The following PLAAT3 variants were observed in gnomAD, a reference collection of about 807,000 sequenced individuals.
PLAAT3 encodes Ca-independent phospholipase A1/2.
A neutral mutation model predicts 16.7 loss-of-function variants in PLAAT3; 21 were observed. The observed-to-expected ratio is 1.26, with a 90% confidence interval of 0.89 to 1.81. The LOEUF is 1.81. PLAAT3 is among the 40% of genes most tolerant of loss of function. PLAAT3 has a pLI of 0.00. For synonymous variants in PLAAT3, 76 were observed against 81.7 expected (o/e 0.93, Z 0.38); for missense variants, 219 against 213.7 (o/e 1.02, Z -0.16).
At position 63,598,899 on chromosome 11, in the gene PLAAT3, C is replaced by T. The variant is rs559365483; in HGVS notation, c.16-736G>A. Among the ~76,000 whole-genome samples the T allele has an allele frequency of 2.0e-5, 3 of 152,236 alleles. No individual in the cohort carries two copies. The East Asian group carries it at 5.8e-4, about 29-fold the overall frequency. The stretch of plus-strand genomic sequence containing the variant: ...GGGTGGATGCATGAGTGTGAGACTA[C>T]GTGTGAGAGTGAGTGTGCGTATGTG... On this transcript the variant is annotated intron_variant, in intron 2 of 4. Transcript: ENST00000415826.
intron 3 of PLAAT3, among the ~76,000 whole-genome samples, chr11:63,591,236 GC>G (rs1938144525): frequency 6.6e-6 from 1 of 152,110 alleles, no homozygotes; most frequent in Non-Finnish European, 1.5e-5. Context: ...ACAAAAACTA[GC>G]CGTGTATGGT....
intron 2 of PLAAT3, among the ~76,000 whole-genome samples, chr11:63,607,494 TA>T (rs1020716087): frequency 5.9e-5 from 9 of 151,848 alleles, no homozygotes; most frequent in African/African-American, 1.7e-4. Context: ...ACCCCATCTC[TA>T]AAATTTAAAA....
chr11:63,587,746 C>T (rs2134403234), intron 4 of PLAAT3, among the ~76,000 whole-genome samples: 1 of 152,050 alleles, frequency 6.6e-6, no homozygotes, highest in East Asian at 1.9e-4. Context: ...TGTACCATTT[C>T]TCAGTAAACT....
chr11:63,597,262 C>T lies in PLAAT3; in HGVS notation c.118+799G>A, dbSNP rs144167785. Among the ~76,000 whole-genome samples, 78 of 151,830 alleles carry T rather than the reference C, an allele frequency of 5.1e-4. No individual in the cohort carries two copies. The East Asian group carries it at 8.4e-3, about 16-fold the overall frequency. On this transcript the variant is annotated intron_variant, in intron 3 of 4. Coordinates refer to ENST00000415826, the MANE Select transcript of PLAAT3 (RefSeq NM_001128203.2). ...CTGAAGGGCCGGGCGCGGTGGCTCA[C>T]GCCTGCAATCCCAGCATTTTGGGAG... is the stretch of plus-strand genomic sequence containing the variant.
intron 4 of PLAAT3, among the ~76,000 whole-genome samples, chr11:63,584,673 A>G (rs1202246477): frequency 6.6e-6 from 1 of 151,838 alleles, no homozygotes; most frequent in Non-Finnish European, 1.5e-5. Context: ...ACGCCCAGCT[A>G]ATTTTGTTTT....
In PLAAT3 at chr11:63,589,893, C is replaced by T. The variant is rs1359457963; in HGVS notation, c.387+207G>A. 2.0e-5 allele frequency among the ~76,000 whole-genome samples: 3 copies of T among 151,262 alleles called. No homozygotes were observed. In the East Asian group the frequency reaches 5.8e-4, roughly 29 times the overall value. ...TGACTCCTTTCCTTGGCCACCCACCCCCGCCCCCGACTACACTGATCTGCA... is the reference window on the plus strand; with the variant it reads ...TGACTCCTTTCCTTGGCCACCCACCTCCGCCCCCGACTACACTGATCTGCA... On this transcript the variant is annotated intron_variant, in intron 4 of 4. Coordinates refer to ENST00000415826, the MANE Select transcript of PLAAT3 (RefSeq NM_001128203.2).
At chr11:63,607,968 C>T (rs1424052737) in intron 2 of PLAAT3, among the ~76,000 whole-genome samples, 1 of 151,936 alleles carries the variant, frequency 6.6e-6, no homozygotes, top group African/African-American at 2.4e-5. Context: ...AGGCAGATCA[C>T]GAGGTCAGGA....
At chr11:63,615,132 G>GTGTGTA (rs1322981424), upstream of PLAAT3, among the ~76,000 whole-genome samples, 13 of 9,076 alleles carry the variant, frequency 1.4e-3, no homozygotes, top group African/African-American at 1.7e-3. Flanking sequence ...GTGTATATAT[G>GTGTGTA]TATATGTGTA....
chr11:63,576,594 T>A (rs1004674184), intron 4 of PLAAT3, among the ~76,000 whole-genome samples: 1 of 152,176 alleles, frequency 6.6e-6, no homozygotes, highest in African/African-American at 2.4e-5. Context: ...TTGGGCTCCG[T>A]CCTTGGCAAC....
At chr11:63,589,977 T>A in intron 4 of PLAAT3, 123 bp downstream of exon 4, 31 of 714,182 alleles carry the variant, frequency 4.3e-5, no homozygotes, top group Non-Finnish European at 6.0e-5. Context: ...TGTGACATCC[T>A]CAAGGGCAGT....
At chr11:63,587,223 A>G (rs1028795625) in intron 4 of PLAAT3, among the ~76,000 whole-genome samples, 2 of 152,262 alleles carry the variant, frequency 1.3e-5, no homozygotes, top group African/African-American at 4.8e-5. Context: ...AAAGAAAGTG[A>G]GTTTCCAAGT....
Position 63,582,795 on chromosome 11 carries a change from C to T in PLAAT3, c.387+7305G>A, listed in dbSNP as rs1937858346. 2.6e-5 allele frequency among the ~76,000 whole-genome samples: 4 copies of T among 152,268 alleles called. No individual in the cohort carries two copies. The South Asian group carries it at 8.3e-4, about 32-fold the overall frequency. On this transcript the variant is annotated intron_variant, in intron 4 of 4. Coordinates refer to ENST00000415826, the MANE Select transcript of PLAAT3 (RefSeq NM_001128203.2). Reference sequence around the variant, plus strand: ...CATCAAGATACGTATATATTTTTAACCACTGAAGATCCCCAAACTCTTCTC... The same window carrying T: ...CATCAAGATACGTATATATTTTTAATCACTGAAGATCCCCAAACTCTTCTC...
chr11:63,590,351 C>A lies in PLAAT3; in HGVS notation c.136G>T (p.Gly46Cys), dbSNP rs757774105. The A allele has an allele frequency of 6.2e-7, 1 of 1,614,090 alleles. No homozygotes were observed. Among genetic ancestry groups the A allele is most frequent in the Admixed American group, 1.7e-5 (1 of 60,022 alleles). The change falls in exon 4 of 5, where the codon GGT becomes TGT. Residue 46 changes from glycine (G) to cysteine (C), a missense_variant. Transcript: ENST00000415826. ...LAPPSEVAGA[G>C]AASVMSALTD... ...AGGGCGGACATGACACTGGCTGCACCAGCTCCTGCGACCTCACCTGCAGAT... is the reference window on the plus strand; with the variant it reads ...AGGGCGGACATGACACTGGCTGCACAAGCTCCTGCGACCTCACCTGCAGAT...
chr11:63,596,097 C>T (rs1938279596), intron 3 of PLAAT3, among the ~76,000 whole-genome samples: 1 of 151,824 alleles, frequency 6.6e-6, no homozygotes, highest in African/African-American at 2.4e-5. Context: ...AAAAATTAGC[C>T]AGGGGTGGTG....
intron 2 of PLAAT3, among the ~76,000 whole-genome samples, chr11:63,612,761 T>G (rs2134437017): frequency 6.6e-6 from 1 of 152,344 alleles, no homozygotes; most frequent in Non-Finnish European, 1.5e-5. Context: ...TTTTCCTGCT[T>G]TTGCACTCAC....
Position 63,605,646 on chromosome 11 carries a change from G to C in PLAAT3, c.16-7483C>G, listed in dbSNP as rs560875083. Among the ~76,000 whole-genome samples, 16 of 151,750 alleles carry C rather than the reference G, an allele frequency of 1.1e-4. No individual in the cohort carries two copies. The East Asian group carries it at 2.0e-3, about 19-fold the overall frequency. On this transcript the variant is annotated intron_variant, in intron 2 of 4. Transcript: ENST00000415826. ...CGGCTCCCTGCAAGCTCCGCCTCCCGGGTTCACGCCATTCTCCTGCCTCAG... is the reference window on the plus strand; with the variant it reads ...CGGCTCCCTGCAAGCTCCGCCTCCCCGGTTCACGCCATTCTCCTGCCTCAG...
At chr11:63,608,899 A>C (rs1938628613) in intron 2 of PLAAT3, among the ~76,000 whole-genome samples, 1 of 152,194 alleles carries the variant, frequency 6.6e-6, no homozygotes, top group African/African-American at 2.4e-5. Flanking sequence ...CAGTTTCCTC[A>C]GCTGCAAAAT....
At chr11:63,589,375 T>C (rs1330114381) in intron 4 of PLAAT3, among the ~76,000 whole-genome samples, 2 of 133,768 alleles carry the variant, frequency 1.5e-5, no homozygotes, top group Admixed American at 8.5e-5. Flanking sequence ...TCAACAGCCA[T>C]GTAAGAACCT....
rs556016575 is a variant in PLAAT3 at position 63,582,385 on chromosome 11, A to G, written c.388-7339T>C. Among the ~76,000 whole-genome samples, 14 of 152,340 alleles carry G rather than the reference A, an allele frequency of 9.2e-5. No homozygotes were observed. In the South Asian group the frequency reaches 1.5e-3, roughly 16 times the overall value. On this transcript the variant is annotated intron_variant, in intron 4 of 4. Coordinates refer to ENST00000415826, the MANE Select transcript of PLAAT3 (RefSeq NM_001128203.2). ...AACCAGCACAGAGGGAAGAAGGGCCATCTCTGGGATAGACGTGTCCAAGCA... is the reference window on the plus strand; with the variant it reads ...AACCAGCACAGAGGGAAGAAGGGCCGTCTCTGGGATAGACGTGTCCAAGCA...
Sources: gnomAD v4.1 joint callset for allele counts (sites outside exome capture counted in the v4.1 genomes callset) on GRCh38, gnomAD v4.1.1 for gene constraint, MANE v1.5 for transcripts, NCBI Gene and HGNC (gene_info 2026-07-23, HGNC 2026-07-21) for gene names.